Variants in HUNK observed in about 807,000 individuals in gnomAD.
The protein encoded by HUNK is hormonally up-regulated neu tumor-associated kinase.
Under a neutral mutation model 61.0 loss-of-function variants are expected in HUNK, and 21 were observed. That is an observed-to-expected ratio of 0.34 (90% confidence interval 0.24 to 0.50). HUNK has a LOEUF of 0.50. HUNK is among the 20% of genes least tolerant of loss of function. The pLI is 0.98. For missense variants in HUNK, 772 were observed against 945.7 expected, an observed-to-expected ratio of 0.82 and a Z score of 2.41; for synonymous variants, 371 against 386.1, an observed-to-expected ratio of 0.96 and a Z score of 0.46.
chr21:31,902,485 G>T (rs185310239), intron 1 of HUNK, among the ~76,000 whole-genome samples: 25 of 152,238 alleles, frequency 1.6e-4, no homozygotes, highest in African/African-American at 5.5e-4. Context: ...ACTCCAGCCT[G>T]GGCAACAAAA....
chr21:31,979,035 G>A (rs1601407643), intron 7 of HUNK, among the ~76,000 whole-genome samples: 1 of 151,842 alleles, frequency 6.6e-6, no homozygotes, highest in Non-Finnish European at 1.5e-5. Flanking sequence ...CAGATGTGAG[G>A]CAGTATCTCA....
chr21:31,947,755 C>T (rs756667214), intron 4 of HUNK, among the ~76,000 whole-genome samples: 23 of 152,200 alleles, frequency 1.5e-4, no homozygotes, highest in Non-Finnish European at 2.4e-4. Flanking sequence ...AGTGATGGTA[C>T]AGGGTCAGTT....
At chr21:31,993,069 T>C (rs1404145503) in intron 9 of HUNK, among the ~76,000 whole-genome samples, 1 of 152,186 alleles carries the variant, frequency 6.6e-6, no homozygotes, top group African/African-American at 2.4e-5. Flanking sequence ...AGGGTGGTCT[T>C]GGCAGGGTTT....
chr21:31,922,900 A>G (rs2052632257), intron 1 of HUNK, among the ~76,000 whole-genome samples: 1 of 152,220 alleles, frequency 6.6e-6, no homozygotes, highest in African/African-American at 2.4e-5. Context: ...AAATAACAAG[A>G]AATGGAAGGT....
intron 1 of HUNK, among the ~76,000 whole-genome samples, chr21:31,886,731 C>T (rs531924557): frequency 2.0e-4 from 30 of 151,966 alleles, no homozygotes; most frequent in East Asian, 5.8e-4. Flanking sequence ...CTGCAACCTC[C>T]GCCTCCCGGG....
intron 6 of HUNK, among the ~76,000 whole-genome samples, chr21:31,973,164 T>G (rs1268147278): frequency 6.6e-6 from 1 of 152,168 alleles, no homozygotes; most frequent in African/African-American, 2.4e-5. Context: ...TATTATACTT[T>G]TTAATTTTTT....
At chr21:31,919,737 C>A (rs1299921917) in intron 1 of HUNK, among the ~76,000 whole-genome samples, 1 of 152,096 alleles carries the variant, frequency 6.6e-6, no homozygotes, top group Non-Finnish European at 1.5e-5. Context: ...CGTGCGGGAG[C>A]AGAGGGGACG....
chr21:31,988,960 A>G (rs2053153193), intron 8 of HUNK, among the ~76,000 whole-genome samples: 1 of 151,716 alleles, frequency 6.6e-6, no homozygotes, highest in African/African-American at 2.4e-5. Context: ...CCTCTCTAGT[A>G]GCTGGGACTA....
chr21:31,948,403 G>A (rs775245452), intron 4 of HUNK, among the ~76,000 whole-genome samples: 3 of 152,174 alleles, frequency 2.0e-5, no homozygotes, highest in Non-Finnish European at 4.4e-5. Context: ...CCTCTGGGCA[G>A]CCCTCTGTGT....
At position 31,940,203 on chromosome 21, in the gene HUNK, A is replaced by G; in HGVS notation, c.593A>G (p.Asn198Ser). Residue 198 changes from asparagine to serine, a missense_variant, in exon 3 of 11, where the codon AAT becomes AGT. Around this residue, in one of 2 missense-constraint regions of HUNK, gnomAD observed 359 missense variants for 501.3 expected, o/e 0.72. Transcript: ENST00000270112. Reference protein sequence around the residue: ...KIENLLLDEDNNIKLIDFGLS... With the variant: ...KIENLLLDEDSNIKLIDFGLS... Reference sequence around the variant, plus strand: ...GAGAATTTGCTACTAGATGAAGACAATAATATCAAGCTGATTGGTATGACT... The same window carrying G: ...GAGAATTTGCTACTAGATGAAGACAGTAATATCAAGCTGATTGGTATGACT... 1.9e-6 allele frequency: 3 copies of G among 1,593,494 alleles called. No individual in the cohort carries two copies. Among genetic ancestry groups the G allele is most frequent in the Non-Finnish European group, 2.6e-6 (3 of 1,170,092 alleles).
rs145822423 is a variant in HUNK, at chr21:31,933,929, G to C, written c.555-6236G>C. The stretch of plus-strand genomic sequence containing the variant: ...TAATCAGATCAAGGACCATTCACGT[G>C]AAGTGGGCATTCTACTTCCCTCACC... On this transcript the variant is annotated intron_variant, in intron 2 of 10. Coordinates refer to ENST00000270112, the MANE Select transcript of HUNK (RefSeq NM_014586.2). Among the ~76,000 whole-genome samples the C allele has an allele frequency of 1.6e-4, 25 of 152,218 alleles. No homozygotes were observed. The East Asian group carries it at 4.3e-3, about 26-fold the overall frequency.
At chr21:31,982,507 C>T (rs1243377915) in intron 7 of HUNK, among the ~76,000 whole-genome samples, 2 of 152,210 alleles carry the variant, frequency 1.3e-5, no homozygotes, top group Admixed American at 6.5e-5. Flanking sequence ...TCTTAATTGT[C>T]ATCTCTTCCC....
intron 1 of HUNK, among the ~76,000 whole-genome samples, chr21:31,891,113 A>G (rs951487816): frequency 6.6e-6 from 1 of 152,220 alleles, no homozygotes; most frequent in Admixed American, 6.5e-5. Context: ...GTGGTGGCTC[A>G]TGCCTGTAAT....
rs187519572 is a variant in HUNK, at chr21:32,001,109, C to T, written c.*1925C>T. On this transcript the variant is annotated 3_prime_UTR_variant, in exon 11 of 11. Coordinates refer to ENST00000270112, the MANE Select transcript of HUNK (RefSeq NM_014586.2). Reference sequence around the variant, plus strand: ...CAACATGGTGAAAGCCCGTCTCTACCGAAAAATACAAAAAAAAATAGCTGG... The same window carrying T: ...CAACATGGTGAAAGCCCGTCTCTACTGAAAAATACAAAAAAAAATAGCTGG... 1.7e-3 allele frequency: 197 copies of T among 116,300 alleles called. No homozygotes were observed. Among genetic ancestry groups the T allele is most frequent in the Admixed American group, 4.2e-3 (44 of 10,384 alleles). The allele number at this position is 116,300 out of a possible 1,614,324, so 7.2% of individuals were successfully genotyped here.
At chr21:31,982,183 T>A (rs2053102134) in intron 7 of HUNK, among the ~76,000 whole-genome samples, 1 of 152,200 alleles carries the variant, frequency 6.6e-6, no homozygotes, top group Non-Finnish European at 1.5e-5. Flanking sequence ...ATTAATTCAC[T>A]CTAGTTAGAA....
chr21:31,944,342 G>A (rs2052788084), intron 3 of HUNK, among the ~76,000 whole-genome samples: 4 of 152,218 alleles, frequency 2.6e-5, no homozygotes, highest in Admixed American at 2.6e-4. Context: ...GCCTCCCAAA[G>A]TGTTGGGATT....
At chr21:31,934,646 C>T (rs1647911995) in intron 2 of HUNK, among the ~76,000 whole-genome samples, 1 of 152,128 alleles carries the variant, frequency 6.6e-6, no homozygotes, top group Non-Finnish European at 1.5e-5. Context: ...TTTTTCAACC[C>T]TCGTCCTCCT....
intron 1 of HUNK, among the ~76,000 whole-genome samples, chr21:31,875,577 C>T (rs183153210): frequency 1.5e-4 from 23 of 152,296 alleles, no homozygotes; most frequent in African/African-American, 5.5e-4. Flanking sequence ...CGATTCGATT[C>T]GATTCGTAGT....
chr21:31,876,154 G>A (rs1297455233), intron 1 of HUNK, among the ~76,000 whole-genome samples: 1 of 152,206 alleles, frequency 6.6e-6, no homozygotes, highest in Non-Finnish European at 1.5e-5. Flanking sequence ...GACAGGAGAT[G>A]TTAATTGGAT....
Sources: gnomAD v4.1 joint callset for allele counts (sites outside exome capture counted in the v4.1 genomes callset) on GRCh38, gnomAD v4.1.1 for gene constraint, gnomAD v4.1.1 regional missense constraint, MANE v1.5 for transcripts, NCBI Gene and HGNC (gene_info 2026-07-23, HGNC 2026-07-21) for gene names.